The following MEF2C variants were observed in gnomAD, a reference collection of about 807,000 sequenced individuals.
The protein encoded by MEF2C is myocyte enhancer factor 2C.
Under a neutral mutation model 50.5 loss-of-function variants are expected in MEF2C, and 6 were observed. The observed-to-expected ratio is 0.12, with a 90% confidence interval of 0.07 to 0.23. The LOEUF is 0.23. MEF2C is among the 10% of genes least tolerant of loss of function. The pLI is 1.00. For missense variants in MEF2C, 276 were observed against 605.0 expected (o/e 0.46, Z 5.70); for synonymous variants, 183 against 228.0 (o/e 0.80, Z 1.78).
intron 1 of MEF2C, among the ~76,000 whole-genome samples, chr5:88,828,527 A>T (rs1339535095): frequency 6.6e-6 from 1 of 152,024 alleles, no homozygotes; most frequent in Non-Finnish European, 1.5e-5. Flanking sequence ...ATCACACAAC[A>T]CTAAATAATA....
intron 1 of MEF2C, among the ~76,000 whole-genome samples, chr5:88,890,005 C>T (rs1296739772): frequency 6.6e-6 from 1 of 152,206 alleles, no homozygotes; most frequent in East Asian, 1.9e-4. Context: ...CTCTGCAGGT[C>T]TAGCCGCCGC....
chr5:88,850,575 C>A (rs1358681583), intron 1 of MEF2C, among the ~76,000 whole-genome samples: 1 of 151,976 alleles, frequency 6.6e-6, no homozygotes, highest in Admixed American at 6.6e-5. Flanking sequence ...TGAAGAGGAC[C>A]TTCAGGGCCA....
chr5:88,741,637 A>C, intron 6 of MEF2C: 1 of 978,804 alleles, frequency 1.0e-6, no homozygotes, highest in Non-Finnish European at 1.2e-6. Context: ...CCATAGATTT[A>C]GTTTTCTCTT....
intron 1 of MEF2C, among the ~76,000 whole-genome samples, chr5:88,856,163 C>T (rs1041300066): frequency 6.6e-6 from 1 of 152,168 alleles, no homozygotes; most frequent in Non-Finnish European, 1.5e-5. Context: ...AGCAAAGAGA[C>T]TGGAGGCATT....
chr5:88,833,597 A>G (rs1022566997), intron 1 of MEF2C, among the ~76,000 whole-genome samples: 1 of 152,160 alleles, frequency 6.6e-6, no homozygotes, highest in Non-Finnish European at 1.5e-5. Flanking sequence ...ATTGAACCTC[A>G]TCAAAGTAAG....
chr5:88,729,069 TG>T, intron 9 of MEF2C, 148 bp downstream of exon 9: 1 of 773,416 alleles, frequency 1.3e-6, no homozygotes, highest in Non-Finnish European at 1.9e-6. Flanking sequence ...ATATTCACTT[TG>T]TCTTAGTGAA....
chr5:88,879,369 T>C (rs1832092594), intron 1 of MEF2C, among the ~76,000 whole-genome samples: 1 of 119,342 alleles, frequency 8.4e-6, no homozygotes. Flanking sequence ...ATAACATTCA[T>C]GAAATATATA....
At chr5:88,786,318 T>C (rs1790867617) in intron 3 of MEF2C, among the ~76,000 whole-genome samples, 1 of 152,152 alleles carries the variant, frequency 6.6e-6, no homozygotes, top group Admixed American at 6.6e-5. Context: ...TGTGAAACAG[T>C]GACTACAAAA....
chr5:88,853,749 G>A (rs925326694), intron 1 of MEF2C, among the ~76,000 whole-genome samples: 1 of 152,266 alleles, frequency 6.6e-6, no homozygotes, highest in East Asian at 1.9e-4. Context: ...CAATGTACTT[G>A]AATCTTCAGA....
chr5:88,808,848 T>A (rs1396026240), intron 2 of MEF2C, among the ~76,000 whole-genome samples: 2 of 152,080 alleles, frequency 1.3e-5, no homozygotes, highest in African/African-American at 4.8e-5. Context: ...AATAATGCCT[T>A]GTGATGGTTA....
At chr5:88,751,724 G>A (rs1350750363) in intron 5 of MEF2C, 133 bp downstream of exon 5, 35 of 1,105,702 alleles carry the variant, frequency 3.2e-5, no homozygotes, top group Non-Finnish European at 3.6e-5. Context: ...GACCTAGCTC[G>A]GGGGTGGATG....
intron 6 of MEF2C, chr5:88,741,888 G>A (rs1039723342): frequency 1.8e-5 from 18 of 985,146 alleles, no homozygotes; most frequent in African/African-American, 1.0e-4. Context: ...CCTTTTGGAC[G>A]TATCAGTTGG....
chr5:88,797,454 CCTTTTTT>C (rs1796486293), intron 3 of MEF2C, among the ~76,000 whole-genome samples: 5 of 25,242 alleles, frequency 2.0e-4, no homozygotes, highest in Non-Finnish European at 3.7e-4. Flanking sequence ...GCAACCCTTG[CCTTTTTT>C]TTTTTTTTTT....
chr5:88,744,899 G>A (rs889347423), intron 6 of MEF2C, among the ~76,000 whole-genome samples: 4 of 152,180 alleles, frequency 2.6e-5, no homozygotes, highest in African/African-American at 2.4e-5. Context: ...CAGGTTTTCC[G>A]TTAAGAATAT....
At chr5:88,735,471 A>G (rs1369556708) in intron 6 of MEF2C, 1 of 985,172 alleles carries the variant, frequency 1.0e-6, no homozygotes, top group African/African-American at 1.7e-5. Context: ...GAGTGAATGG[A>G]TTTCCTGATT....
Position 88,776,805 on chromosome 5 carries a change from A to G in MEF2C, c.259-15477T>C, listed in dbSNP as rs558330674. Reference sequence around the variant, plus strand: ...ATATGGGCTCAGCACTTTATGATCTAACATAAAGCTTTATGACAGGCCATC... The same window carrying G: ...ATATGGGCTCAGCACTTTATGATCTGACATAAAGCTTTATGACAGGCCATC... On this transcript the variant is annotated intron_variant, in intron 3 of 10. Coordinates refer to ENST00000504921, the MANE Select transcript of MEF2C (RefSeq NM_002397.5). Among the ~76,000 whole-genome samples, 11 of 152,304 alleles carry G rather than the reference A, an allele frequency of 7.2e-5. 1 individual carries two copies. In the East Asian group the frequency reaches 1.2e-3, roughly 16 times the overall value.
intron 3 of MEF2C, among the ~76,000 whole-genome samples, chr5:88,792,875 AT>A (rs966171294): frequency 3.3e-5 from 5 of 152,186 alleles, no homozygotes; most frequent in Non-Finnish European, 7.3e-5. Context: ...CTGTAAAAAC[AT>A]TTTTTCATAC....
At chr5:88,891,623 G>C (rs1040447277) in intron 1 of MEF2C, among the ~76,000 whole-genome samples, 1 of 151,920 alleles carries the variant, frequency 6.6e-6, no homozygotes, top group Non-Finnish European at 1.5e-5. Flanking sequence ...TGTTAGCCAG[G>C]ATGGTCTCGA....
In MEF2C at chr5:88,720,012, G is replaced by T. The variant is rs1755751485; in HGVS notation, c.*2592C>A. 6.6e-6 allele frequency: 1 copy of T among 151,976 alleles called. No individual in the cohort carries two copies. The highest frequency in any genetic ancestry group is 1.5e-5 in the Non-Finnish European group (1 of 67,984). The allele number at this position is 151,976 out of a possible 1,614,324, so 9.4% of individuals were successfully genotyped here. On this transcript the variant is annotated 3_prime_UTR_variant, in exon 11 of 11. Coordinates refer to ENST00000504921, the MANE Select transcript of MEF2C (RefSeq NM_002397.5). ...AATTGCAGGTTAAAAAACTAATATG[G>T]CTATTTCTTCATATTTTCATGTAAT...
Sources: gnomAD v4.1 joint callset for allele counts (sites outside exome capture counted in the v4.1 genomes callset) on GRCh38, gnomAD v4.1.1 for gene constraint, MANE v1.5 for transcripts, NCBI Gene and HGNC (gene_info 2026-07-23, HGNC 2026-07-21) for gene names.